Variants in MCTP1 observed in about 807,000 individuals in gnomAD.
MCTP1 encodes multiple C2 and transmembrane domain-containing protein 1.
Under a neutral mutation model 120.6 loss-of-function variants are expected in MCTP1, and 69 were observed. The observed-to-expected ratio is 0.57, with a 90% CI of 0.47 to 0.70. The LOEUF (loss-of-function observed/expected upper bound fraction) is 0.70. MCTP1 is among the 30% of genes least tolerant of loss of function. The pLI is 0.00. For synonymous variants in MCTP1, 529 were observed against 493.1 expected, an observed-to-expected ratio of 1.07 and a Z score of -0.96; for missense variants, 1,203 against 1,248.8, an observed-to-expected ratio of 0.96 and a Z score of 0.55.
intron 10 of MCTP1, among the ~76,000 whole-genome samples, chr5:94,905,771 A>G (rs561168948): frequency 6.6e-6 from 1 of 152,358 alleles, no homozygotes; most frequent in South Asian, 2.1e-4. Context: ...TCAAGTAGGC[A>G]GTGCAATATA....
intron 19 of MCTP1, among the ~76,000 whole-genome samples, chr5:94,775,420 T>C (rs1311032596): frequency 6.6e-6 from 1 of 152,172 alleles, no homozygotes; most frequent in Admixed American, 6.5e-5. Context: ...TTATTATCTA[T>C]AACATGGTGA....
intron 1 of MCTP1, among the ~76,000 whole-genome samples, chr5:95,218,442 T>A (rs149277492): frequency 2.2e-4 from 33 of 152,322 alleles, no homozygotes; most frequent in African/African-American, 7.0e-4. Context: ...ACTAGTAATC[T>A]GGGACATCAT....
chr5:95,100,110 CTG>C (rs1756610681), intron 1 of MCTP1, among the ~76,000 whole-genome samples: 1 of 125,362 alleles, frequency 8.0e-6, no homozygotes, highest in Non-Finnish European at 1.6e-5. Context: ...ACATCACACT[CTG>C]GGGACTGTTG....
chr5:95,086,305 C>T (rs1372093400), intron 1 of MCTP1, among the ~76,000 whole-genome samples: 3 of 152,100 alleles, frequency 2.0e-5, no homozygotes, highest in African/African-American at 7.2e-5. Flanking sequence ...AGAGTCAATA[C>T]ATACACATTT....
intron 18 of MCTP1, among the ~76,000 whole-genome samples, chr5:94,782,028 A>T (rs1235441067): frequency 6.6e-6 from 1 of 152,090 alleles, no homozygotes; most frequent in Non-Finnish European, 1.5e-5. Flanking sequence ...GCTTCCGAAC[A>T]TACCCCACTA....
rs397960364 is a variant in MCTP1, at chr5:94,875,749, C to CTT, written c.1934-2510_1934-2509dup. ...TTCACTGAGCTTAGCCAAGTCAGTT[C>CTT]TTTTTTTTTTTTTTCCAAGGAGAAT... On this transcript the variant is annotated intron_variant, in intron 12 of 22. Coordinates refer to ENST00000515393, the MANE Select transcript of MCTP1 (RefSeq NM_024717.7). 1.9e-4 allele frequency among the ~76,000 whole-genome samples: 26 copies of CTT among 138,462 alleles called. 1 individual carries two copies. The highest frequency in any genetic ancestry group is 9.5e-4 in the Admixed American group (13 of 13,746). The allele number at this position is 138,462 out of a possible 152,430, so 90.8% of individuals were successfully genotyped here.
chr5:94,789,790 G>A (rs1295678463), intron 18 of MCTP1, among the ~76,000 whole-genome samples: 12 of 152,170 alleles, frequency 7.9e-5, no homozygotes, highest in Admixed American at 2.0e-4. Context: ...TGGGCAAGGC[G>A]TGTGTCTTCA....
intron 17 of MCTP1, among the ~76,000 whole-genome samples, chr5:94,804,236 G>T (rs917008651): frequency 1.3e-5 from 2 of 152,172 alleles, no homozygotes; most frequent in South Asian, 2.1e-4. Context: ...GAAGCCCAAA[G>T]AAGTGATTTC....
At chr5:95,065,486 A>C (rs943125126) in intron 1 of MCTP1, among the ~76,000 whole-genome samples, 3 of 152,154 alleles carry the variant, frequency 2.0e-5, no homozygotes, top group Non-Finnish European at 4.4e-5. Context: ...GTAACTCATC[A>C]ATTAGTAGAT....
chr5:94,750,280 T>C (rs956855508), intron 19 of MCTP1, among the ~76,000 whole-genome samples: 1 of 152,236 alleles, frequency 6.6e-6, no homozygotes, highest in African/African-American at 2.4e-5. Context: ...TTTTGTCATG[T>C]TATTGACGTA....
chr5:94,979,574 C>T (rs1828944613), intron 2 of MCTP1: 1 of 152,040 alleles, frequency 6.6e-6, no homozygotes, highest in Non-Finnish European at 1.5e-5. Flanking sequence ...GGTCAATTGG[C>T]TGCATTCTGG....
intron 2 of MCTP1, among the ~76,000 whole-genome samples, chr5:95,006,190 G>T (rs1834706294): frequency 6.6e-6 from 1 of 151,966 alleles, no homozygotes; most frequent in Non-Finnish European, 1.5e-5. Context: ...ACAAAATGAT[G>T]TTATTTGAGG....
At chr5:95,092,194 G>A (rs1755899692) in intron 1 of MCTP1, among the ~76,000 whole-genome samples, 1 of 152,080 alleles carries the variant, frequency 6.6e-6, no homozygotes, top group Non-Finnish European at 1.5e-5. Flanking sequence ...ATTTTGTTTT[G>A]TTTAGCTGCC....
Position 94,779,105 on chromosome 5 carries a change from ATTACC to A in MCTP1, c.2610_2610+4del. On this transcript the variant is annotated splice_donor_variant and splice_donor_region_variant and coding_sequence_variant and intron_variant, in exon 19 of 23. Coordinates refer to ENST00000515393, the MANE Select transcript of MCTP1 (RefSeq NM_024717.7). LOFTEE classifies it high-confidence loss of function. ...AGGTACCCAAGTGCTGGGAAAGATA[ATTACC>A]TTGTCATCTTTGTCATCTTCTTCTT... The A allele has an allele frequency of 6.2e-7, 1 of 1,612,530 alleles. No individual in the cohort carries two copies. The highest frequency in any genetic ancestry group is 8.5e-7 in the Non-Finnish European group (1 of 1,178,686).
At chr5:94,848,836 T>C (rs1793069769) in intron 17 of MCTP1, among the ~76,000 whole-genome samples, 1 of 151,928 alleles carries the variant, frequency 6.6e-6, no homozygotes, top group Non-Finnish European at 1.5e-5. Flanking sequence ...AATCTGTCAG[T>C]AAATTAGTAA....
At chr5:94,844,884 A>G (rs750937431) in intron 17 of MCTP1, among the ~76,000 whole-genome samples, 68 of 150,632 alleles carry the variant, frequency 4.5e-4, no homozygotes, top group Non-Finnish European at 8.9e-4. Flanking sequence ...CCAATTTGCT[A>G]TACATTCTTT....
intron 1 of MCTP1, among the ~76,000 whole-genome samples, chr5:95,267,624 C>T (rs1302054821): frequency 6.6e-6 from 1 of 152,226 alleles, no homozygotes; most frequent in Non-Finnish European, 1.5e-5. Flanking sequence ...TACAAGACAA[C>T]TTTGTGAGTA....
At chr5:94,722,384 G>C (rs548130807) in intron 19 of MCTP1, among the ~76,000 whole-genome samples, 1 of 152,110 alleles carries the variant, frequency 6.6e-6, no homozygotes, top group South Asian at 2.1e-4. Flanking sequence ...TGCCATAGTG[G>C]TCATTGTCAA....
chr5:95,002,668 C>A (rs1445132258), intron 2 of MCTP1, among the ~76,000 whole-genome samples: 1 of 152,222 alleles, frequency 6.6e-6, no homozygotes, highest in Non-Finnish European at 1.5e-5. Flanking sequence ...CCTGTAACCC[C>A]ATTGTATCTA....
Sources: gnomAD v4.1 joint callset for allele counts (sites outside exome capture counted in the v4.1 genomes callset) on GRCh38, gnomAD v4.1.1 for gene constraint, MANE v1.5 for transcripts, NCBI Gene and HGNC (gene_info 2026-07-23, HGNC 2026-07-21) for gene names.